The following CATSPERT variants were observed in gnomAD, a reference collection of about 807,000 sequenced individuals.
CATSPERT encodes the protein cation channel sperm-associated targeting subunit tau.
chr2:201,580,249 G>T, the CATSPERT span, among the ~76,000 whole-genome samples: 71 of 152,268 alleles, frequency 4.7e-4, no homozygotes, highest in African/African-American at 1.7e-3. Context: ...AATTCATTAT[G>T]CTAAATTCGA....
the CATSPERT span, chr2:201,604,697 T>G: frequency 2.5e-6 from 4 of 1,585,170 alleles, no homozygotes; most frequent in African/African-American, 5.4e-5. Flanking sequence ...TTTCTCAGCA[T>G]CTACAATGTA....
At chr2:201,490,533 C>G in the CATSPERT span, among the ~76,000 whole-genome samples, 1 of 152,150 alleles carries the variant, frequency 6.6e-6, no homozygotes, top group East Asian at 1.9e-4. Context: ...CTCTGACTCT[C>G]GGCTGTGTCA....
the CATSPERT span, chr2:201,491,251 G>A: frequency 6.5e-7 from 1 of 1,537,936 alleles, no homozygotes; most frequent in East Asian, 2.4e-5. Flanking sequence ...GGGCAGTGTG[G>A]TTGGTAGTAT....
At chr2:201,592,300 T>C in the CATSPERT span, among the ~76,000 whole-genome samples, 2 of 146,654 alleles carry the variant, frequency 1.4e-5, no homozygotes, top group Non-Finnish European at 3.0e-5. Context: ...TTTGCATATA[T>C]TGAACCAGCC....
At chr2:201,507,178 A>C in the CATSPERT span, among the ~76,000 whole-genome samples, 1 of 152,242 alleles carries the variant, frequency 6.6e-6, no homozygotes, top group African/African-American at 2.4e-5. Context: ...AAAGTGAACC[A>C]ATATAAAATC....
At chr2:201,612,238 T>C in the CATSPERT span, among the ~76,000 whole-genome samples, 2 of 152,092 alleles carry the variant, frequency 1.3e-5, no homozygotes, top group Non-Finnish European at 2.9e-5. Context: ...ACAGGTCAAC[T>C]CTTTCTCAGG....
chr2:201,539,132 T>C, the CATSPERT span, among the ~76,000 whole-genome samples: 31 of 152,304 alleles, frequency 2.0e-4, no homozygotes, highest in African/African-American at 7.0e-4. Context: ...AACATACCTG[T>C]GCATGTGTCT....
chr2:201,578,268 A>C, the CATSPERT span, among the ~76,000 whole-genome samples: 12 of 152,136 alleles, frequency 7.9e-5, no homozygotes, highest in Admixed American at 1.3e-4. Flanking sequence ...CAACATAAAG[A>C]CTTGAACTCT....
At chr2:201,498,710 A>G in the CATSPERT span, among the ~76,000 whole-genome samples, 1 of 152,124 alleles carries the variant, frequency 6.6e-6, no homozygotes, top group Non-Finnish European at 1.5e-5. Context: ...ATAGTTATTA[A>G]AGAGCTGCAT....
the CATSPERT span, chr2:201,575,368 G>T: frequency 6.7e-7 from 1 of 1,487,026 alleles, no homozygotes; most frequent in Non-Finnish European, 9.1e-7. Flanking sequence ...AATTACCCAT[G>T]TATTTCCCTG....
At chr2:201,543,712 C>A in the CATSPERT span, among the ~76,000 whole-genome samples, 1 of 152,034 alleles carries the variant, frequency 6.6e-6, no homozygotes, top group South Asian at 2.1e-4. Context: ...TCTCCTGCAA[C>A]TTTACTGAAT....
the CATSPERT span, among the ~76,000 whole-genome samples, chr2:201,514,417 T>C: frequency 2.0e-5 from 3 of 152,210 alleles, no homozygotes; most frequent in Non-Finnish European, 2.9e-5. Context: ...TTTATTATAC[T>C]AATATACTAA....
the CATSPERT span, among the ~76,000 whole-genome samples, chr2:201,518,847 G>T: frequency 6.6e-6 from 1 of 152,052 alleles, no homozygotes; most frequent in South Asian, 2.1e-4. Context: ...GTTTCCCTTT[G>T]TCCTCCTAGG....
the CATSPERT span, among the ~76,000 whole-genome samples, chr2:201,600,755 CT>C: frequency 0.92 from 130,940 of 142,668 alleles, 60,727 homozygotes; most frequent in South Asian, 0.99. Context: ...TAATGTCATT[CT>C]TTTTTTTTTT....
chr2:201,579,128 T>A, the CATSPERT span, among the ~76,000 whole-genome samples: 2 of 152,220 alleles, frequency 1.3e-5, no homozygotes. Context: ...TACATATATA[T>A]CCACAATATC....
At chr2:201,488,458 A>G in the CATSPERT span, among the ~76,000 whole-genome samples, 9 of 152,282 alleles carry the variant, frequency 5.9e-5, no homozygotes, top group Non-Finnish European at 1.3e-4. Flanking sequence ...TAATGTTTAC[A>G]TTAAAAATAA....
the CATSPERT span, among the ~76,000 whole-genome samples, chr2:201,566,467 G>A: frequency 6.7e-6 from 1 of 149,374 alleles, no homozygotes; most frequent in Admixed American, 6.8e-5. Flanking sequence ...TTGGTTTTTT[G>A]TCCTTGCGAT....
chr2:201,611,225 C>CA, the CATSPERT span, among the ~76,000 whole-genome samples: 1 of 152,094 alleles, frequency 6.6e-6, no homozygotes, highest in Non-Finnish European at 1.5e-5. Context: ...TAGATTCCTA[C>CA]AAAAAACTCC....
At chr2:201,553,897 CT>C in the CATSPERT span, 1 of 152,042 alleles carries the variant, frequency 6.6e-6, no homozygotes, top group African/African-American at 2.4e-5. Flanking sequence ...AGAAATTTCC[CT>C]CCTATTACTA....
Sources: gnomAD v4.1 joint callset for allele counts (sites outside exome capture counted in the v4.1 genomes callset) on GRCh38, gnomAD v4.1.1 for gene constraint, MANE v1.5 for transcripts, NCBI Gene and HGNC (gene_info 2026-07-23, HGNC 2026-07-21) for gene names.